Variants in DLGAP2 observed in about 807,000 individuals in gnomAD.
The protein encoded by DLGAP2 is DLG associated protein 2.
A neutral mutation model predicts 100.3 loss-of-function variants in DLGAP2; 26 were observed. The ratio of observed to expected loss-of-function variants is 0.26; its 90% CI spans 0.19 to 0.36. DLGAP2 has a LOEUF of 0.36. Among genes scored for constraint, DLGAP2 ranks in the 10% least tolerant of loss-of-function variants. The pLI is 1.00. For missense variants in DLGAP2, 1,858 were observed against 1,453.2 expected, an observed-to-expected ratio of 1.28 and a Z score of -4.53; for synonymous variants, 886 against 630.1, an observed-to-expected ratio of 1.41 and a Z score of -6.08.
chr8:1,581,624 C>T (rs1345015744), intron 6 of DLGAP2, among the ~76,000 whole-genome samples: 1 of 151,578 alleles, frequency 6.6e-6, no homozygotes, highest in African/African-American at 2.4e-5. Flanking sequence ...GTGAAGGATA[C>T]AGACAAAACA....
At chr8:1,323,667 A>G (rs1365340997) in intron 3 of DLGAP2, among the ~76,000 whole-genome samples, 4 of 152,226 alleles carry the variant, frequency 2.6e-5, no homozygotes, top group South Asian at 4.1e-4. Flanking sequence ...CTGGGCAGCT[A>G]TCCTTAGCAC....
chr8:1,103,786 G>C (rs1240199194), intron 2 of DLGAP2, among the ~76,000 whole-genome samples: 3 of 151,070 alleles, frequency 2.0e-5, no homozygotes, highest in Non-Finnish European at 2.9e-5. Context: ...GGTGATGACT[G>C]GCGGGGCCTT....
intron 4 of DLGAP2, among the ~76,000 whole-genome samples, chr8:1,527,208 C>T (rs189026848): frequency 3.3e-5 from 5 of 152,348 alleles, no homozygotes; most frequent in Admixed American, 2.6e-4. Flanking sequence ...TCCTCTTGTC[C>T]AGGCTTCTCA....
intron 3 of DLGAP2, among the ~76,000 whole-genome samples, chr8:1,351,695 C>T (rs1407779958): frequency 2.0e-5 from 1 of 49,600 alleles, no homozygotes; most frequent in Non-Finnish European, 3.9e-5. Context: ...TGGGTCCTGA[C>T]TGTGCGTGGA....
At chr8:1,194,783 A>C (rs1370957074) in intron 2 of DLGAP2, among the ~76,000 whole-genome samples, 5 of 152,120 alleles carry the variant, frequency 3.3e-5, no homozygotes, top group Admixed American at 6.5e-5. Context: ...TCTGTTCCCT[A>C]CAGAAGTCTC....
intron 2 of DLGAP2, among the ~76,000 whole-genome samples, chr8:1,188,725 A>C (rs996783098): frequency 6.6e-6 from 1 of 152,186 alleles, no homozygotes; most frequent in African/African-American, 2.4e-5. Flanking sequence ...AACAGTAATC[A>C]TGAGTACAGA....
At chr8:1,198,306 C>A (rs1471456818) in intron 2 of DLGAP2, among the ~76,000 whole-genome samples, 1 of 152,092 alleles carries the variant, frequency 6.6e-6, no homozygotes, top group Non-Finnish European at 1.5e-5. Context: ...AGAAAGCAGC[C>A]CAGAAAAACC....
chr8:1,050,777 G>C (rs926092293), intron 2 of DLGAP2, among the ~76,000 whole-genome samples: 1 of 152,202 alleles, frequency 6.6e-6, no homozygotes, highest in Admixed American at 6.5e-5. Flanking sequence ...TTGAAGGGCA[G>C]ATTCTCAGAA....
chr8:1,507,197 C>T (rs951582268), intron 4 of DLGAP2, among the ~76,000 whole-genome samples: 5 of 152,222 alleles, frequency 3.3e-5, no homozygotes, highest in East Asian at 3.9e-4. Context: ...CCGGGCGCCG[C>T]GGAGCAGGGG....
intron 2 of DLGAP2, among the ~76,000 whole-genome samples, chr8:958,592 A>G (rs1427723837): frequency 2.0e-5 from 3 of 152,008 alleles, no homozygotes; most frequent in Non-Finnish European, 4.4e-5. Flanking sequence ...CAAAAAAAAA[A>G]AAAAAAAAAA....
chr8:1,660,884 C>T (rs1798394264), intron 8 of DLGAP2, among the ~76,000 whole-genome samples: 1 of 152,170 alleles, frequency 6.6e-6, no homozygotes, highest in Non-Finnish European at 1.5e-5. Context: ...ACATAGTGGG[C>T]TTTTCCCCTT....
rs76166525 is a variant in DLGAP2 at position 1,364,502 on chromosome 8, C to T, written c.106+105619C>T. Among the ~76,000 whole-genome samples the T allele has an allele frequency of 4.0e-3, 567 of 141,580 alleles. 8 individuals are homozygous for T. The East Asian group carries it at 0.042, about 11-fold the overall frequency. 92.9% of individuals were successfully genotyped at this position (141,580 alleles called of 152,430 possible). A position where few individuals can be genotyped will look rare whatever the true frequency, so the allele number is the denominator to read the frequency against. On this transcript the variant is annotated intron_variant, in intron 3 of 14. Coordinates refer to ENST00000637795, the MANE Select transcript of DLGAP2 (RefSeq NM_001346810.2). ...AGGCGGGCGCCGGTCATGGGAAGGG[C>T]GGGGGGGGTGCAGCGAAGCAGACAC...
intron 3 of DLGAP2, among the ~76,000 whole-genome samples, chr8:1,365,728 T>A (rs73528810): frequency 0.023 from 3,529 of 152,240 alleles, 120 homozygotes; most frequent in African/African-American, 0.081. Flanking sequence ...TCACTAAATT[T>A]CTAAATTTCC....
chr8:958,358 G>A (rs1474416929), intron 2 of DLGAP2, among the ~76,000 whole-genome samples: 1 of 152,016 alleles, frequency 6.6e-6, no homozygotes, highest in East Asian at 1.9e-4. Flanking sequence ...GTGGACACTG[G>A]GGCATGAGTA....
intron 2 of DLGAP2, among the ~76,000 whole-genome samples, chr8:1,060,875 G>A (rs996697735): frequency 3.9e-5 from 6 of 152,192 alleles, no homozygotes; most frequent in African/African-American, 9.6e-5. Context: ...GAGGAGGTGG[G>A]CTCTGCCCCC....
At chr8:1,271,704 C>T (rs1484453588) in intron 3 of DLGAP2, among the ~76,000 whole-genome samples, 1 of 152,162 alleles carries the variant, frequency 6.6e-6, no homozygotes, top group Non-Finnish European at 1.5e-5. Flanking sequence ...TGCCAGGGCT[C>T]AGGGGGAGGG....
At chr8:1,464,273 C>A (rs1442787703) in intron 3 of DLGAP2, among the ~76,000 whole-genome samples, 1 of 111,250 alleles carries the variant, frequency 9.0e-6, no homozygotes, top group Admixed American at 9.0e-5. Flanking sequence ...AGGACGGCAC[C>A]CTTCCAGGAC....
At chr8:953,350 C>T (rs1281275949) in intron 2 of DLGAP2, among the ~76,000 whole-genome samples, 7 of 152,098 alleles carry the variant, frequency 4.6e-5, no homozygotes, top group South Asian at 2.1e-4. Context: ...CTTGTCACCA[C>T]GCCCGGCTAA....
intron 1 of DLGAP2, among the ~76,000 whole-genome samples, chr8:867,235 C>T (rs1797515584): frequency 6.6e-6 from 1 of 152,238 alleles, no homozygotes; most frequent in Non-Finnish European, 1.5e-5. Context: ...TTCTTTGGGT[C>T]TTTCCTGGAT....
Sources: allele counts gnomAD v4.1 joint callset (sites outside exome capture counted in the v4.1 genomes callset), GRCh38; gene constraint gnomAD v4.1.1; transcripts MANE v1.5; gene names NCBI Gene and HGNC (gene_info 2026-07-23, HGNC 2026-07-21).